FAM168B: variants seen among roughly 807,000 people sequenced by gnomAD.
FAM168B encodes family with sequence similarity 168 member B, also known as myelin-associated neurite-outgrowth inhibitor.
In FAM168B, 19 loss-of-function variants were observed where a neutral mutation model predicts 21.8. The ratio of observed to expected loss-of-function variants is 0.87; its 90% CI spans 0.61 to 1.28. FAM168B has a LOEUF of 1.28. Ranked by LOEUF, FAM168B falls within the 50% of genes most tolerant of loss-of-function variation. FAM168B has a pLI of 0.00. For synonymous variants in FAM168B, 126 were observed against 104.8 expected (o/e 1.20, Z -1.24); for missense variants, 233 against 263.1 (o/e 0.89, Z 0.79).
chr2:131,086,651 AG>A (rs1693714665), intron 1 of FAM168B, among the ~76,000 whole-genome samples: 1 of 152,354 alleles, frequency 6.6e-6, no homozygotes, highest in South Asian at 2.1e-4. Flanking sequence ...GTGAATTTTT[AG>A]TTTAATTAAC....
intron 3 of FAM168B, among the ~76,000 whole-genome samples, chr2:131,070,041 T>C (rs569312725): frequency 1.2e-4 from 18 of 151,398 alleles, no homozygotes; most frequent in African/African-American, 4.1e-4. Context: ...GTATTTTTAG[T>C]AGAGACGGGG....
chr2:131,088,490 G>C lies in FAM168B; in HGVS notation c.-12+4724C>G, dbSNP rs199675908. ...AGATATAGACATAAAAGCAATAGCT[G>C]AATTTTGTTTGGACTCGATTTAGAC... On this transcript the variant is annotated intron_variant, in intron 1 of 6. Transcript: ENST00000389915. Among the ~76,000 whole-genome samples, 6 of 152,114 alleles carry C rather than the reference G, an allele frequency of 3.9e-5. No individual in the cohort carries two copies. In the East Asian group the frequency reaches 5.8e-4, roughly 15 times the overall value.
chr2:131,051,539 T>C lies in FAM168B; in HGVS notation c.*926A>G, dbSNP rs916462788. 5 of 984,096 alleles carry C rather than the reference T, an allele frequency of 5.1e-6. No homozygotes were observed. The highest frequency in any genetic ancestry group is 6.0e-6 in the Non-Finnish European group (5 of 829,300). 61.0% of individuals were successfully genotyped at this position (984,096 alleles called of 1,614,324 possible). On this transcript the variant is annotated 3_prime_UTR_variant, in exon 7 of 7. Coordinates refer to ENST00000389915, the MANE Select transcript of FAM168B (RefSeq NM_001009993.4). Reference sequence around the variant, plus strand: ...GCTAAATAAAGCAGAGGACAATACCTCCTGCAAGCATGGCTGTTTCTCTTT... The same window carrying C: ...GCTAAATAAAGCAGAGGACAATACCCCCTGCAAGCATGGCTGTTTCTCTTT...
At chr2:131,067,163 C>T (rs1254866405) in intron 3 of FAM168B, among the ~76,000 whole-genome samples, 1 of 152,130 alleles carries the variant, frequency 6.6e-6, no homozygotes, top group Non-Finnish European at 1.5e-5. Context: ...TGGGTGGGGA[C>T]ACAGCCAAAC....
At chr2:131,081,093 C>T (rs1382546952) in intron 2 of FAM168B, among the ~76,000 whole-genome samples, 3 of 152,188 alleles carry the variant, frequency 2.0e-5, no homozygotes, top group Non-Finnish European at 4.4e-5. Context: ...TAACCAGTGT[C>T]TTGTCTTGAT....
At position 131,051,171 on chromosome 2, in the gene FAM168B, C is replaced by G. The variant is rs1691651674; in HGVS notation, c.*1294G>C. On this transcript the variant is annotated 3_prime_UTR_variant, in exon 7 of 7. Transcript: ENST00000389915. ...TGCAAAAGAGATGGCAGGAGAGGCT[C>G]GCAGACAACAGACACTGGCCTCCCC... 1 of 985,190 alleles carries G rather than the reference C, an allele frequency of 1.0e-6. No homozygotes were observed. Among genetic ancestry groups the G allele is most frequent in the Non-Finnish European group, 1.2e-6 (1 of 829,946 alleles). 61.0% of individuals were successfully genotyped at this position (985,190 alleles called of 1,614,324 possible).
In FAM168B at chr2:131,082,842, C is replaced by G. The variant is rs148119174; in HGVS notation, c.-11-185G>C. On this transcript the variant is annotated intron_variant, in intron 1 of 6. Transcript: ENST00000389915. The stretch of plus-strand genomic sequence containing the variant: ...CTCGATGTCCTAATGGGTGCCAAAC[C>G]AGGGCATGATAAACTTTTTTTCACA... 6.6e-4 allele frequency among the ~76,000 whole-genome samples: 100 copies of G among 152,280 alleles called. 1 individual carries two copies. The highest frequency in any genetic ancestry group is 5.0e-3 in the Admixed American group (77 of 15,290).
At chr2:131,058,597 G>A (rs1295678445) in intron 3 of FAM168B, among the ~76,000 whole-genome samples, 4 of 152,162 alleles carry the variant, frequency 2.6e-5, no homozygotes, top group South Asian at 2.1e-4. Context: ...TATGTTAACC[G>A]TAAATAGAAA....
At chr2:131,066,930 C>T (rs1015533058) in intron 3 of FAM168B, among the ~76,000 whole-genome samples, 6 of 152,186 alleles carry the variant, frequency 3.9e-5, no homozygotes, top group African/African-American at 1.4e-4. Context: ...AATGGACTCA[C>T]AGTTACACAT....
At chr2:131,076,580 G>A (rs1380237539) in intron 2 of FAM168B, among the ~76,000 whole-genome samples, 2 of 151,352 alleles carry the variant, frequency 1.3e-5, no homozygotes, top group Non-Finnish European at 2.9e-5. Flanking sequence ...GTGAACCTGG[G>A]AGGCGCAGCT....
rs550178460 is a variant in FAM168B, at chr2:131,083,654, A to T, written c.-11-997T>A. ...AAATATCACGCAGCTGCTTTTCAAGAAATGTTTAAAAACAGAATAATACAA... is the reference window on the plus strand; with the variant it reads ...AAATATCACGCAGCTGCTTTTCAAGTAATGTTTAAAAACAGAATAATACAA... On this transcript the variant is annotated intron_variant, in intron 1 of 6. Coordinates refer to ENST00000389915, the MANE Select transcript of FAM168B (RefSeq NM_001009993.4). Among the ~76,000 whole-genome samples the T allele has an allele frequency of 1.6e-4, 24 of 152,370 alleles. No homozygotes were observed. In the South Asian group the frequency reaches 5.0e-3, roughly 32 times the overall value.
At chr2:131,077,212 T>TG (rs1209357830) in intron 2 of FAM168B, among the ~76,000 whole-genome samples, 2 of 130,280 alleles carry the variant, frequency 1.5e-5, no homozygotes, top group African/African-American at 5.6e-5. Context: ...CTATTACATT[T>TG]AAAAAAAAAA....
chr2:131,062,098 A>G (rs967920540), intron 3 of FAM168B, among the ~76,000 whole-genome samples: 3 of 152,250 alleles, frequency 2.0e-5, no homozygotes, highest in Non-Finnish European at 2.9e-5. Flanking sequence ...AACATTGCTA[A>G]TAAGAAAGTC....
intron 1 of FAM168B, among the ~76,000 whole-genome samples, chr2:131,084,736 C>T (rs1573818127): frequency 6.6e-6 from 1 of 151,982 alleles, no homozygotes; most frequent in Non-Finnish European, 1.5e-5. Flanking sequence ...GAATCTTATC[C>T]AGGGTATTAT....
intron 1 of FAM168B, among the ~76,000 whole-genome samples, chr2:131,089,647 G>A (rs1240878939): frequency 6.6e-6 from 1 of 151,632 alleles, no homozygotes; most frequent in Admixed American, 6.6e-5. Flanking sequence ...GAACCCGGAA[G>A]GCGGAGCTTG....
chr2:131,062,526 C>A (rs373222498), intron 3 of FAM168B, among the ~76,000 whole-genome samples: 27 of 152,256 alleles, frequency 1.8e-4, no homozygotes, highest in African/African-American at 5.3e-4. Flanking sequence ...CAGCTCACTG[C>A]AACCTCTGCC....
chr2:131,085,977 A>G (rs1273105631), intron 1 of FAM168B, among the ~76,000 whole-genome samples: 2 of 152,152 alleles, frequency 1.3e-5, no homozygotes, highest in African/African-American at 4.8e-5. Flanking sequence ...GCTAGTGGTT[A>G]CTATACTGGA....
At chr2:131,072,111 A>T (rs1388698693) in intron 2 of FAM168B, among the ~76,000 whole-genome samples, 173 bp from the exon 3 acceptor site, 2 of 152,062 alleles carry the variant, frequency 1.3e-5, no homozygotes, top group Non-Finnish European at 2.9e-5. Context: ...TTCCCGCAGA[A>T]CTTTGTTTTT....
chr2:131,068,908 C>T (rs1211351752), intron 3 of FAM168B, among the ~76,000 whole-genome samples: 28 of 152,224 alleles, frequency 1.8e-4, no homozygotes, highest in Non-Finnish European at 4.4e-5. Flanking sequence ...CCCAGCTACT[C>T]GGGAGGCTGA....
Sources: allele counts gnomAD v4.1 joint callset (sites outside exome capture counted in the v4.1 genomes callset), GRCh38; gene constraint gnomAD v4.1.1; transcripts MANE v1.5; gene names NCBI Gene and HGNC (gene_info 2026-07-23, HGNC 2026-07-21).